The following FXYD7 variants were observed in gnomAD, a reference collection of about 807,000 sequenced individuals.
FXYD7 encodes the protein FXYD domain-containing ion transport regulator 7.
FXYD7 carries 7 observed loss-of-function variants against 15.3 expected under a neutral mutation model. The observed-to-expected ratio is 0.46, with a 90% CI of 0.26 to 0.86. The LOEUF is 0.86. Ranked by LOEUF, FXYD7 falls within the 40% of genes least tolerant of loss-of-function variation. The probability of loss-of-function intolerance (pLI) is 0.16; values close to 1 mark genes in which losing one functional copy is unlikely to be tolerated. For missense variants in FXYD7, 78 were observed against 100.6 expected (o/e 0.78, Z 0.96); for synonymous variants, 39 against 39.3 (o/e 0.99, Z 0.03).
chr19:35,145,698 A>G (rs975610619), intron 1 of FXYD7, among the ~76,000 whole-genome samples: 4 of 152,246 alleles, frequency 2.6e-5, no homozygotes, highest in African/African-American at 9.6e-5. Context: ...GCTTTTGAGT[A>G]CTACCGTCAC....
At chr19:35,150,598 A>G (rs1324503084) in intron 2 of FXYD7, among the ~76,000 whole-genome samples, 1 of 152,168 alleles carries the variant, frequency 6.6e-6, no homozygotes, top group East Asian at 1.9e-4. Context: ...ATTTGGGGGA[A>G]GAGCTTTCAG....
rs188304785 is a variant in FXYD7, at chr19:35,148,613, C to T, written c.32-81C>T. 106 of 1,199,914 alleles carry T rather than the reference C, an allele frequency of 8.8e-5. 1 individual carries two copies. In the East Asian group the frequency reaches 2.1e-3, roughly 23 times the overall value. The allele number at this position is 1,199,914 out of a possible 1,614,324, so 74.3% of individuals were successfully genotyped here. ...AAAGAAATGATTAGGCCAGTGGCTC[C>T]ATCTGGATCCTAAAAAATATTAAGA... is the stretch of plus-strand genomic sequence containing the variant. On this transcript the variant is annotated intron_variant, in intron 1 of 5. Coordinates refer to ENST00000270310, the MANE Select transcript of FXYD7 (RefSeq NM_022006.2).
intron 1 of FXYD7, among the ~76,000 whole-genome samples, chr19:35,145,628 C>T (rs1351573921): frequency 6.6e-6 from 1 of 152,254 alleles, no homozygotes; most frequent in Admixed American, 6.5e-5. Flanking sequence ...AATTTACTCT[C>T]TGGTGGGGAA....
intron 5 of FXYD7, among the ~76,000 whole-genome samples, chr19:35,153,147 C>T (rs1383554836): frequency 1.4e-5 from 2 of 145,840 alleles, no homozygotes; most frequent in Non-Finnish European, 3.0e-5. Context: ...GCAACCTCTG[C>T]GTCCTGGGTT....
intron 2 of FXYD7, 109 bp downstream of exon 2, chr19:35,148,832 T>C: frequency 1.0e-6 from 1 of 956,606 alleles, no homozygotes; most frequent in South Asian, 1.3e-5. Context: ...GCTGGGCCAC[T>C]GGCCACGGGA....
intron 2 of FXYD7, chr19:35,149,112 A>G (rs748820539): frequency 8.8e-5 from 41 of 463,914 alleles, no homozygotes; most frequent in Non-Finnish European, 1.4e-4. Flanking sequence ...CCTTCTGTAA[A>G]CAAGGGATAG....
rs1600489856 is a variant in FXYD7, at chr19:35,143,649, T to A, written c.31+285T>A. Among the ~76,000 whole-genome samples the A allele has an allele frequency of 6.8e-6, 1 of 147,408 alleles. No homozygotes were observed. Among genetic ancestry groups the A allele is most frequent in the East Asian group, 2.1e-4 (1 of 4,654 alleles). ...GTCGCTATGGCAACCGGGTGGCTGG[T>A]CCCGCACCGTGGTGGTAGCAGACGG... On this transcript the variant is annotated intron_variant, in intron 1 of 5. Transcript: ENST00000270310. The surrounding 1 kb of genome is among the most constrained non-coding windows in gnomAD (Gnocchi z 4.3).
In FXYD7 at chr19:35,143,510, T is replaced by A; in HGVS notation, c.31+146T>A. ...CTCCTGTGGGCGGAAGCCCCTGTAA[T>A]GCGCCCCCCCGATCGCCCCTCCGGG... On this transcript the variant is annotated intron_variant, in intron 1 of 5. Transcript: ENST00000270310. This position sits in a 1 kb window ranked among gnomAD's most constrained non-coding sequence, Gnocchi z 4.3. The A allele has an allele frequency of 6.3e-6, 4 of 634,972 alleles. No individual in the cohort carries two copies. The highest frequency in any genetic ancestry group is 1.0e-5 in the Non-Finnish European group (4 of 401,040). 39.3% of individuals were successfully genotyped at this position (634,972 alleles called of 1,614,324 possible).
intron 1 of FXYD7, among the ~76,000 whole-genome samples, chr19:35,147,158 T>G (rs540464452): frequency 6.6e-6 from 1 of 152,334 alleles, no homozygotes; most frequent in South Asian, 2.1e-4. Flanking sequence ...CCTGGAGGCC[T>G]GAATGTTCCT....
chr19:35,151,337 G>A lies in FXYD7; in HGVS notation c.136+9G>A, dbSNP rs760463575. 5.6e-6 allele frequency: 9 copies of A among 1,598,644 alleles called. No individual in the cohort carries two copies. The highest frequency in any genetic ancestry group is 1.7e-5 in the Admixed American group (1 of 59,970). ...TATCCTCATCGTCATCAGTAAGTGC[G>A]ACCCATTCCTGGGCTGCCTCAGCCT... is the stretch of plus-strand genomic sequence containing the variant. On this transcript the variant is annotated intron_variant, in intron 3 of 5. Transcript: ENST00000270310.
rs62111370 is a variant in FXYD7, at chr19:35,153,952, T to C, written c.*36T>C. On this transcript the variant is annotated 3_prime_UTR_variant, in exon 6 of 6. Coordinates refer to ENST00000270310, the MANE Select transcript of FXYD7 (RefSeq NM_022006.2). ...AGGAAACTCCGCTGCCGACCCTGCC[T>C]GAGCGCGGGAGCCTGAGGACCGGGT... The C allele has an allele frequency of 0.16, 251,177 of 1,603,738 alleles. 20,878 individuals carry two copies. Among genetic ancestry groups the C allele is most frequent in the Admixed American group, 0.17 (10,308 of 59,770 alleles).
chr19:35,153,290 C>A (rs1341814009), intron 5 of FXYD7, among the ~76,000 whole-genome samples: 3 of 152,086 alleles, frequency 2.0e-5, no homozygotes, highest in Non-Finnish European at 4.4e-5. Context: ...AAACTCCTGA[C>A]CTCAAACGAT....
rs545450660 is a variant in FXYD7, at chr19:35,143,513, GC to G, written c.31+156del. ...CTGTGGGCGGAAGCCCCTGTAATGC[GC>G]CCCCCCGATCGCCCCTCCGGGTCTC... On this transcript the variant is annotated intron_variant, in intron 1 of 5. Transcript: ENST00000270310. This position sits in a 1 kb window ranked among gnomAD's most constrained non-coding sequence, Gnocchi z 4.3. The G allele has an allele frequency of 2.1e-5, 13 of 629,154 alleles. No individual in the cohort carries two copies. The highest frequency in any genetic ancestry group is 1.4e-4 in the East Asian group (4 of 28,762). 39.0% of individuals were successfully genotyped at this position (629,154 alleles called of 1,614,324 possible).
At chr19:35,152,589 A>C (rs975065234) in intron 5 of FXYD7, among the ~76,000 whole-genome samples, 4 of 151,976 alleles carry the variant, frequency 2.6e-5, no homozygotes, top group Admixed American at 2.6e-4. Context: ...GGATGCAGGG[A>C]ATGTGAGGAT....
chr19:35,151,516 C>A (rs747632330), intron 4 of FXYD7, 34 bp downstream of exon 4: 1 of 1,609,044 alleles, frequency 6.2e-7, no homozygotes, highest in South Asian at 1.1e-5. Flanking sequence ...CGGGAGGGGG[C>A]CTCGGGGTGC....
intron 1 of FXYD7, among the ~76,000 whole-genome samples, chr19:35,146,401 T>C (rs1280200179): frequency 2.0e-5 from 3 of 152,224 alleles, no homozygotes; most frequent in Non-Finnish European, 4.4e-5. Context: ...ATTCCCAAAG[T>C]GCTGGGATTA....
intron 5 of FXYD7, among the ~76,000 whole-genome samples, chr19:35,153,391 A>G (rs1223087449): frequency 6.6e-6 from 1 of 152,188 alleles, no homozygotes; most frequent in African/African-American, 2.4e-5. Context: ...GTTTTAAAAC[A>G]TGAACAAGGC....
intron 1 of FXYD7, among the ~76,000 whole-genome samples, chr19:35,146,058 G>A (rs973765598): frequency 7.2e-5 from 11 of 152,172 alleles, no homozygotes; most frequent in Admixed American, 2.0e-4. Flanking sequence ...GATGACAGGC[G>A]TGGGCCACCA....
intron 5 of FXYD7, among the ~76,000 whole-genome samples, chr19:35,153,033 C>CTTTGTTTTGTTTTTTTTTTTTTTTT (rs1555737607): frequency 6.8e-5 from 3 of 44,142 alleles, no homozygotes; most frequent in Non-Finnish European, 1.2e-4. Context: ...TTTCACGTTC[C>CTTTGTTTTGTTTTTTTTTTTTTTTT]TTTTTTTTTT....
Sources: allele counts gnomAD v4.1 joint callset (sites outside exome capture counted in the v4.1 genomes callset), GRCh38; gene constraint gnomAD v4.1.1; non-coding constraint Gnocchi (gnomAD v3.1); transcripts MANE v1.5; gene names NCBI Gene and HGNC (gene_info 2026-07-23, HGNC 2026-07-21).